Variants in SPPL3 observed in about 807,000 individuals in gnomAD.
SPPL3 encodes the protein signal peptide peptidase like 3.
In SPPL3, 5 loss-of-function variants were observed where a neutral mutation model predicts 42.4. That is an observed-to-expected ratio of 0.12 (90% CI 0.06 to 0.25). The LOEUF (loss-of-function observed/expected upper bound fraction) is 0.25, where lower values mean the gene tolerates loss of function less well. Ranked by LOEUF, SPPL3 falls within the 10% of genes least tolerant of loss-of-function variation. The pLI, the probability that SPPL3 is intolerant of heterozygous loss-of-function variation, is 1.00. For missense variants in SPPL3, 235 were observed against 489.0 expected, an observed-to-expected ratio of 0.48 and a Z score of 4.90; for synonymous variants, 195 against 181.8, an observed-to-expected ratio of 1.07 and a Z score of -0.58.
At chr12:120,865,736 T>C (rs628771) in intron 1 of SPPL3, among the ~76,000 whole-genome samples, 37,114 of 152,174 alleles carry the variant, frequency 0.24, 5,626 homozygotes, top group Non-Finnish European at 0.35. Context: ...CAAGCTAGCC[T>C]GGAAGAATCA....
At chr12:120,796,650 C>T (rs191998866) in intron 2 of SPPL3, among the ~76,000 whole-genome samples, 13 of 152,166 alleles carry the variant, frequency 8.5e-5, no homozygotes, top group Admixed American at 8.5e-4. Context: ...CTGTTAGATA[C>T]CTGGCTTTAT....
chr12:120,888,624 C>G (rs1236095445), intron 1 of SPPL3, among the ~76,000 whole-genome samples: 1 of 152,120 alleles, frequency 6.6e-6, no homozygotes, highest in Non-Finnish European at 1.5e-5. Context: ...CAAAAGCAGA[C>G]TAGTGGCTGC....
chr12:120,858,202 G>T (rs1872519640), intron 1 of SPPL3, among the ~76,000 whole-genome samples: 1 of 152,102 alleles, frequency 6.6e-6, no homozygotes, highest in African/African-American at 2.4e-5. Flanking sequence ...TCATGGCTGG[G>T]CACTGTGGCT....
intron 1 of SPPL3, among the ~76,000 whole-genome samples, chr12:120,856,618 T>C (rs1048558563): frequency 1.3e-5 from 2 of 150,136 alleles, no homozygotes; most frequent in African/African-American, 2.5e-5. Context: ...CAGGGCATAG[T>C]TGGTTTGAAT....
At chr12:120,852,836 CATATG>C (rs369607934) in intron 1 of SPPL3, among the ~76,000 whole-genome samples, 107 of 63,382 alleles carry the variant, frequency 1.7e-3, no homozygotes, top group East Asian at 8.0e-3. Flanking sequence ...ATAATATATA[CATATG>C]ATATATGAAA....
At chr12:120,862,970 C>T (rs1872653340) in intron 1 of SPPL3, among the ~76,000 whole-genome samples, 1 of 152,180 alleles carries the variant, frequency 6.6e-6, no homozygotes, top group East Asian at 1.9e-4. Flanking sequence ...AGATGCTCCT[C>T]TCTCCTCTAT....
chr12:120,859,688 GCTCCC>G (rs2137041103), intron 1 of SPPL3, among the ~76,000 whole-genome samples: 1 of 152,084 alleles, frequency 6.6e-6, no homozygotes, highest in African/African-American at 2.4e-5. Context: ...GGGTGCAGTG[GCTCCC>G]AGCACTCTGG....
At position 120,805,071 on chromosome 12, in the gene SPPL3, G is replaced by A. The variant is rs547117734; in HGVS notation, c.101+5738C>T. 4.6e-3 allele frequency among the ~76,000 whole-genome samples: 703 copies of A among 152,174 alleles called. 2 individuals are homozygous for A. The highest frequency in any genetic ancestry group is 7.0e-3 in the South Asian group (34 of 4,828). On this transcript the variant is annotated intron_variant, in intron 2 of 10. Coordinates refer to ENST00000353487, the MANE Select transcript of SPPL3 (RefSeq NM_139015.5). ...AGATTCATGGTTGCCTAGGGCTGGC[G>A]GGCAGGGAAAGAGGAATGGGAATGA...
At chr12:120,844,415 T>G (rs1405938414) in intron 1 of SPPL3, among the ~76,000 whole-genome samples, 1 of 152,194 alleles carries the variant, frequency 6.6e-6, no homozygotes, top group African/African-American at 2.4e-5. Flanking sequence ...ATGCCTGAAG[T>G]GCATTACCGT....
At chr12:120,862,202 A>T (rs1401720913) in intron 1 of SPPL3, among the ~76,000 whole-genome samples, 2 of 152,224 alleles carry the variant, frequency 1.3e-5, no homozygotes, top group Non-Finnish European at 2.9e-5. Context: ...AAATAAACTC[A>T]TTATACATTA....
intron 1 of SPPL3, among the ~76,000 whole-genome samples, chr12:120,844,517 C>T (rs913114804): frequency 2.0e-5 from 3 of 152,090 alleles, no homozygotes; most frequent in Non-Finnish European, 2.9e-5. Context: ...CCTTCTTTCC[C>T]GACTGCCTGC....
intron 1 of SPPL3, among the ~76,000 whole-genome samples, chr12:120,816,138 T>C (rs905260462): frequency 6.6e-5 from 10 of 152,300 alleles, no homozygotes; most frequent in African/African-American, 2.4e-4. Context: ...TTTTTCTAGA[T>C]GAAGGTTTGA....
In SPPL3 at chr12:120,904,066, C is replaced by T. The variant is rs1874077772; in HGVS notation, c.-199G>A. The stretch of plus-strand genomic sequence containing the variant: ...TCCGAAGCGGCCCCGCTCCCTGGGC[C>T]CCGGGGCGGGGCGGGCTCCGCTCTC... On this transcript the variant is annotated 5_prime_UTR_variant, in exon 1 of 11. Transcript: ENST00000353487. 2.9e-6 allele frequency: 1 copy of T among 346,058 alleles called. No individual in the cohort carries two copies. The highest frequency in any genetic ancestry group is 5.1e-6 in the Non-Finnish European group (1 of 197,620). 21.4% of individuals were successfully genotyped at this position (346,058 alleles called of 1,614,324 possible). A position where few individuals can be genotyped will look rare whatever the true frequency, so the allele number is the denominator to read the frequency against.
intron 1 of SPPL3, 109 bp downstream of exon 1, chr12:120,903,736 C>G: frequency 1.5e-6 from 1 of 646,324 alleles, no homozygotes; most frequent in South Asian, 2.1e-5. Context: ...ACCCGCGCCC[C>G]CCCCCCACGA....
intron 6 of SPPL3, among the ~76,000 whole-genome samples, chr12:120,775,246 G>C (rs933679740): frequency 2.6e-5 from 4 of 152,134 alleles, no homozygotes; most frequent in Admixed American, 2.0e-4. Flanking sequence ...TGCCTTCCAG[G>C]TTCAAGTGAT....
At chr12:120,842,489 A>T (rs1379462473) in intron 1 of SPPL3, among the ~76,000 whole-genome samples, 3 of 152,196 alleles carry the variant, frequency 2.0e-5, no homozygotes, top group Non-Finnish European at 2.9e-5. Flanking sequence ...AAATTAGTCC[A>T]TTTGGGCTGC....
At chr12:120,800,604 C>T (rs1870257857) in intron 2 of SPPL3, among the ~76,000 whole-genome samples, 1 of 152,058 alleles carries the variant, frequency 6.6e-6, no homozygotes, top group South Asian at 2.1e-4. Flanking sequence ...CAACCATTTA[C>T]CATCACAGAA....
At chr12:120,875,763 T>C (rs964103999) in intron 1 of SPPL3, among the ~76,000 whole-genome samples, 2 of 152,098 alleles carry the variant, frequency 1.3e-5, no homozygotes, top group Non-Finnish European at 2.9e-5. Context: ...ATATCAATAA[T>C]TACATCAAAT....
At chr12:120,793,982 T>C (rs1253899324) in intron 2 of SPPL3, among the ~76,000 whole-genome samples, 1 of 152,244 alleles carries the variant, frequency 6.6e-6, no homozygotes, top group African/African-American at 2.4e-5. Context: ...ATTATTCTAT[T>C]ATTGGGAGTG....
Sources: gnomAD v4.1 joint callset for allele counts (sites outside exome capture counted in the v4.1 genomes callset) on GRCh38, gnomAD v4.1.1 for gene constraint, MANE v1.5 for transcripts, NCBI Gene and HGNC (gene_info 2026-07-23, HGNC 2026-07-21) for gene names.